Variants in SFMBT2 observed in about 807,000 individuals in gnomAD.
The protein encoded by SFMBT2 is Scm like with four mbt domains 2.
Under a neutral mutation model 110.1 loss-of-function variants are expected in SFMBT2, and 38 were observed. That is an observed-to-expected ratio of 0.35 (90% CI 0.27 to 0.45). SFMBT2 has a LOEUF of 0.45. SFMBT2 is among the 20% of genes least tolerant of loss of function. SFMBT2 has a pLI of 1.00. For missense variants in SFMBT2, 1,011 were observed against 1,094.9 expected (o/e 0.92, Z 1.08); for synonymous variants, 425 against 425.4 (o/e 1.00, Z 0.01).
chr10:7,394,856 C>T (rs1564473888), intron 1 of SFMBT2, among the ~76,000 whole-genome samples: 1 of 152,162 alleles, frequency 6.6e-6, no homozygotes, highest in Admixed American at 6.6e-5. Flanking sequence ...CTCACCTCCC[C>T]TCCCTCTGTT....
chr10:7,161,960 G>C lies in SFMBT2; in HGVS notation c.*1810C>G, dbSNP rs1376512157. 1 of 152,204 alleles carries C rather than the reference G, an allele frequency of 6.6e-6. No individual in the cohort carries two copies. Among genetic ancestry groups the C allele is most frequent in the Non-Finnish European group, 1.5e-5 (1 of 68,076 alleles). 9.4% of individuals were successfully genotyped at this position (152,204 alleles called of 1,614,324 possible). ...AAAGCAGGAAGGGTGAGAAGCCTCT[G>C]CTTCCAGTGTCTGCTTGGGAACTGT... On this transcript the variant is annotated 3_prime_UTR_variant, in exon 21 of 21. Transcript: ENST00000397167.
At chr10:7,198,924 A>G (rs1328035688) in intron 14 of SFMBT2, among the ~76,000 whole-genome samples, 1 of 152,076 alleles carries the variant, frequency 6.6e-6, no homozygotes, top group Non-Finnish European at 1.5e-5. Context: ...GCCTGTAATC[A>G]ATCCATCCTG....
At position 7,192,456 on chromosome 10, in the gene SFMBT2, C is replaced by T. The variant is rs990557530; in HGVS notation, c.1699-3723G>A. On this transcript the variant is annotated intron_variant, in intron 15 of 20. Transcript: ENST00000397167. ...AACACTGAAGGCTGCTTGGGGCAGCCGACTTTCAGGATTCCGACCAGAAAG... is the reference window on the plus strand; with the variant it reads ...AACACTGAAGGCTGCTTGGGGCAGCTGACTTTCAGGATTCCGACCAGAAAG... Among the ~76,000 whole-genome samples, 5 of 152,162 alleles carry T rather than the reference C, an allele frequency of 3.3e-5. No individual in the cohort carries two copies. The East Asian group carries it at 9.6e-4, about 29-fold the overall frequency.
intron 10 of SFMBT2, among the ~76,000 whole-genome samples, chr10:7,226,811 T>C (rs1316878005): frequency 1.3e-5 from 2 of 152,194 alleles, no homozygotes; most frequent in African/African-American, 4.8e-5. Flanking sequence ...TTATACCACA[T>C]AACCTAGGCT....
At chr10:7,242,004 TC>T (rs1486663996) in intron 9 of SFMBT2, among the ~76,000 whole-genome samples, 6 of 152,326 alleles carry the variant, frequency 3.9e-5, no homozygotes, top group African/African-American at 1.4e-4. Flanking sequence ...GAAAAAGTTT[TC>T]CTTCAATGAC....
At chr10:7,354,452 A>T (rs1488931954) in intron 4 of SFMBT2, among the ~76,000 whole-genome samples, 2 of 152,184 alleles carry the variant, frequency 1.3e-5, no homozygotes, top group Non-Finnish European at 2.9e-5. Flanking sequence ...AGTTGGTGAC[A>T]TCCTTCTCAA....
chr10:7,320,004 G>A (rs1249794581), intron 4 of SFMBT2, among the ~76,000 whole-genome samples: 1 of 151,580 alleles, frequency 6.6e-6, no homozygotes, highest in Non-Finnish European at 1.5e-5. Context: ...CAGAGAGGGA[G>A]ACAGAGAAGG....
At chr10:7,277,649 A>C (rs1222777154) in intron 6 of SFMBT2, among the ~76,000 whole-genome samples, 2 of 152,138 alleles carry the variant, frequency 1.3e-5, no homozygotes, top group Non-Finnish European at 2.9e-5. Context: ...GGAAAAAAAA[A>C]AACGTTGAGC....
chr10:7,340,327 G>A (rs529558234), intron 4 of SFMBT2, among the ~76,000 whole-genome samples: 30 of 152,202 alleles, frequency 2.0e-4, no homozygotes, highest in Admixed American at 9.2e-4. Context: ...TTGCTGTCTC[G>A]TGGGTGGCAG....
chr10:7,390,658 T>C (rs1170106354), intron 1 of SFMBT2, among the ~76,000 whole-genome samples: 1 of 152,230 alleles, frequency 6.6e-6, no homozygotes, highest in Non-Finnish European at 1.5e-5. Flanking sequence ...ATAAATCAGT[T>C]AAATGTCAGT....
intron 2 of SFMBT2, among the ~76,000 whole-genome samples, chr10:7,380,621 A>G (rs1205263003): frequency 6.6e-6 from 1 of 151,894 alleles, no homozygotes; most frequent in Non-Finnish European, 1.5e-5. Context: ...ACTGTCCTTA[A>G]GTCATTTGCT....
chr10:7,346,616 A>AT (rs1844119505), intron 4 of SFMBT2, among the ~76,000 whole-genome samples: 2 of 152,254 alleles, frequency 1.3e-5, no homozygotes, highest in South Asian at 4.1e-4. Flanking sequence ...TCTCTTTTAC[A>AT]TTTTAACACT....
chr10:7,256,198 G>A (rs145882353), intron 7 of SFMBT2, among the ~76,000 whole-genome samples: 57 of 152,290 alleles, frequency 3.7e-4, no homozygotes, highest in African/African-American at 1.3e-3. Context: ...TCAAACCCAA[G>A]CAGCCTGATT....
intron 8 of SFMBT2, chr10:7,246,204 A>G: frequency 2.0e-6 from 2 of 978,662 alleles, no homozygotes; most frequent in Non-Finnish European, 2.4e-6. Flanking sequence ...GAAAAAGCAA[A>G]ATAAAAAGGA....
At chr10:7,200,722 A>C (rs1838927099) in intron 13 of SFMBT2, among the ~76,000 whole-genome samples, 1 of 152,244 alleles carries the variant, frequency 6.6e-6, no homozygotes, top group Admixed American at 6.5e-5. Context: ...GCCCCTGAGC[A>C]GCTGGTCCTG....
intron 13 of SFMBT2, among the ~76,000 whole-genome samples, chr10:7,201,908 C>T (rs150234764): frequency 6.6e-6 from 1 of 152,326 alleles, no homozygotes; most frequent in East Asian, 1.9e-4. Flanking sequence ...GTTCAGCCTA[C>T]AACTTAAGGC....
intron 20 of SFMBT2, among the ~76,000 whole-genome samples, chr10:7,168,087 C>G (rs1161066351): frequency 6.6e-6 from 1 of 151,242 alleles, no homozygotes; most frequent in Non-Finnish European, 1.5e-5. Context: ...AAAAGAGCAA[C>G]TTGATTCTAC....
chr10:7,329,579 C>A, intron 4 of SFMBT2: 1 of 870,612 alleles, frequency 1.1e-6, no homozygotes, highest in Non-Finnish European at 1.4e-6. Context: ...GGCCAAAACA[C>A]CATTTGCTGA....
chr10:7,214,724 C>A, intron 11 of SFMBT2: 1 of 985,454 alleles, frequency 1.0e-6, no homozygotes, highest in Non-Finnish European at 1.2e-6. Context: ...ACTTACTGTC[C>A]AAAGCTGTGC....
Sources: gnomAD v4.1 joint callset for allele counts (sites outside exome capture counted in the v4.1 genomes callset) on GRCh38, gnomAD v4.1.1 for gene constraint, MANE v1.5 for transcripts, NCBI Gene and HGNC (gene_info 2026-07-23, HGNC 2026-07-21) for gene names.